The following SLC35F4 variants were observed in gnomAD, a reference collection of about 807,000 sequenced individuals.
SLC35F4 encodes solute carrier family 35 member F4.
SLC35F4 carries 24 observed loss-of-function variants against 44.2 expected under a neutral mutation model. The ratio of observed to expected loss-of-function variants is 0.54; its 90% CI spans 0.39 to 0.76. The LOEUF is 0.76. Ranked by LOEUF, SLC35F4 falls within the 30% of genes least tolerant of loss-of-function variation. SLC35F4 has a pLI of 0.00. For missense variants in SLC35F4, 562 were observed against 586.1 expected, an observed-to-expected ratio of 0.96 and a Z score of 0.42; for synonymous variants, 238 against 223.6, an observed-to-expected ratio of 1.06 and a Z score of -0.57.
intron 1 of SLC35F4, among the ~76,000 whole-genome samples, chr14:57,652,083 CA>C (rs2073804022): frequency 6.6e-6 from 1 of 152,192 alleles, no homozygotes; most frequent in South Asian, 2.1e-4. Context: ...TGGCAACAGG[CA>C]GTCAGGAGTC....
intron 1 of SLC35F4, among the ~76,000 whole-genome samples, chr14:57,664,908 G>C (rs370588044): frequency 4.6e-5 from 7 of 152,112 alleles, no homozygotes; most frequent in African/African-American, 1.7e-4. Flanking sequence ...TGAAAACAGA[G>C]CCTAACCAAG....
At chr14:57,903,242 A>G (rs569422873) in intron 1 of SLC35F4, among the ~76,000 whole-genome samples, 30 of 152,326 alleles carry the variant, frequency 2.0e-4, no homozygotes, top group Admixed American at 3.3e-4. Flanking sequence ...TTTGTAGCCA[A>G]GGAACAGGGG....
At chr14:57,689,285 G>A (rs2075157756) in intron 1 of SLC35F4, among the ~76,000 whole-genome samples, 1 of 152,110 alleles carries the variant, frequency 6.6e-6, no homozygotes, top group African/African-American at 2.4e-5. Context: ...CATTCACCCT[G>A]TCCTGCCAAG....
chr14:57,981,238 G>T (rs574237855), intron 1 of SLC35F4, among the ~76,000 whole-genome samples: 62 of 152,318 alleles, frequency 4.1e-4, no homozygotes, highest in African/African-American at 1.5e-3. Context: ...ATCCCACTGT[G>T]CTTGAGGAGA....
At chr14:57,874,264 T>A (rs990463667) in intron 1 of SLC35F4, among the ~76,000 whole-genome samples, 1 of 152,182 alleles carries the variant, frequency 6.6e-6, no homozygotes, top group Non-Finnish European at 1.5e-5. Flanking sequence ...AATAGCTCTT[T>A]CCCTGCTGTG....
intron 1 of SLC35F4, among the ~76,000 whole-genome samples, chr14:57,774,832 G>A (rs1464494076): frequency 6.6e-6 from 1 of 152,192 alleles, no homozygotes. Flanking sequence ...GCATTGCTTT[G>A]AAGGCATGTG....
chr14:57,961,868 C>T (rs1890345691), intron 1 of SLC35F4, among the ~76,000 whole-genome samples: 1 of 152,190 alleles, frequency 6.6e-6, no homozygotes, highest in Non-Finnish European at 1.5e-5. Context: ...TCATGGGCCC[C>T]TGTGGGTTTT....
intron 3 of SLC35F4, among the ~76,000 whole-genome samples, chr14:57,587,202 AAGAC>A (rs1353976217): frequency 2.0e-4 from 31 of 152,304 alleles, no homozygotes; most frequent in South Asian, 1.9e-3. Flanking sequence ...ACCATTGTGG[AAGAC>A]AGACAGTGTG....
At chr14:57,940,995 T>C (rs1006393454) in intron 1 of SLC35F4, among the ~76,000 whole-genome samples, 1 of 152,182 alleles carries the variant, frequency 6.6e-6, no homozygotes. Flanking sequence ...AATCCACTCA[T>C]ACCTATTAGG....
intron 1 of SLC35F4, among the ~76,000 whole-genome samples, chr14:57,943,883 T>C (rs1383792246): frequency 6.6e-5 from 10 of 152,126 alleles, no homozygotes; most frequent in African/African-American, 2.4e-4. Flanking sequence ...CTGCTGGGAG[T>C]GAATTGGCAG....
chr14:57,672,717 A>G (rs908070142), intron 1 of SLC35F4, among the ~76,000 whole-genome samples: 1 of 152,098 alleles, frequency 6.6e-6, no homozygotes, highest in Non-Finnish European at 1.5e-5. Context: ...AAATTCATGA[A>G]TAATGTATAT....
At chr14:57,761,702 AG>A (rs2077128969) in intron 1 of SLC35F4, among the ~76,000 whole-genome samples, 1 of 152,196 alleles carries the variant, frequency 6.6e-6, no homozygotes, top group Non-Finnish European at 1.5e-5. Flanking sequence ...ATTCTTAACC[AG>A]AGACTAAAGG....
intron 1 of SLC35F4, among the ~76,000 whole-genome samples, chr14:57,858,951 A>AG (rs746838865): frequency 0.01 from 1,566 of 150,756 alleles, 12 homozygotes; most frequent in Non-Finnish European, 0.017. Context: ...AAAAAAAAAA[A>AG]TTAATTAATT....
At chr14:57,629,851 AGACAGT>A in intron 1 of SLC35F4, 4 of 339,856 alleles carry the variant, frequency 1.2e-5, no homozygotes, top group South Asian at 2.4e-5. Flanking sequence ...CCGGAGATGC[AGACAGT>A]TTGCTGAGAC....
intron 1 of SLC35F4, among the ~76,000 whole-genome samples, chr14:57,900,880 AAAG>A (rs1315800424): frequency 2.6e-5 from 4 of 152,260 alleles, no homozygotes; most frequent in East Asian, 1.9e-4. Flanking sequence ...ACACTTCTCA[AAAG>A]AAGACATACA....
At chr14:57,673,376 T>C (rs2074584251) in intron 1 of SLC35F4, among the ~76,000 whole-genome samples, 1 of 152,154 alleles carries the variant, frequency 6.6e-6, no homozygotes, top group Admixed American at 6.5e-5. Context: ...TCCAGCACTG[T>C]GGAGCTGTGT....
intron 1 of SLC35F4, among the ~76,000 whole-genome samples, chr14:57,689,865 A>G (rs1213862207): frequency 6.6e-6 from 1 of 152,156 alleles, no homozygotes; most frequent in Non-Finnish European, 1.5e-5. Context: ...GTGCACAGGT[A>G]CCCTAAAACT....
At chr14:57,769,371 C>T (rs1350316911) in intron 1 of SLC35F4, among the ~76,000 whole-genome samples, 1 of 152,054 alleles carries the variant, frequency 6.6e-6, no homozygotes, top group Non-Finnish European at 1.5e-5. Flanking sequence ...TATGCAAAAC[C>T]AGGTGAATTT....
chr14:57,768,909 C>A (rs1207648659), intron 1 of SLC35F4, among the ~76,000 whole-genome samples: 1 of 152,114 alleles, frequency 6.6e-6, no homozygotes, highest in African/African-American at 2.4e-5. Flanking sequence ...TGTGCCACCA[C>A]GCCAGGCTAA....
Sources: allele counts gnomAD v4.1 joint callset (sites outside exome capture counted in the v4.1 genomes callset), GRCh38; gene constraint gnomAD v4.1.1; transcripts MANE v1.5; gene names NCBI Gene and HGNC (gene_info 2026-07-23, HGNC 2026-07-21).